Variants in SPTBN5 observed in about 807,000 individuals in gnomAD.
SPTBN5 encodes spectrin beta, non-erythrocytic 5.
Under a neutral mutation model 477.6 loss-of-function variants are expected in SPTBN5, and 513 were observed. The observed-to-expected ratio is 1.07, with a 90% CI of 1.00 to 1.16. The LOEUF (loss-of-function observed/expected upper bound fraction) is 1.16. SPTBN5 is among the 50% of genes most tolerant of loss of function. SPTBN5 has a pLI of 0.00. For synonymous variants in SPTBN5, 2,169 were observed against 2,011.7 expected, an observed-to-expected ratio of 1.08 and a Z score of -2.09; for missense variants, 5,062 against 4,731.8, an observed-to-expected ratio of 1.07 and a Z score of -2.05.
intron 35 of SPTBN5, 104 bp downstream of exon 35, chr15:41,867,434 A>T: frequency 8.8e-7 from 1 of 1,131,780 alleles, no homozygotes; most frequent in Non-Finnish European, 1.3e-6. Context: ...TTGCAGGCTC[A>T]TCAGCACTGC....
intron 21 of SPTBN5, 132 bp downstream of exon 21, chr15:41,875,982 G>T: frequency 8.8e-7 from 1 of 1,141,336 alleles, no homozygotes; most frequent in Admixed American, 2.5e-5. Flanking sequence ...AAGGAGGCTT[G>T]CAGGGGGAGG....
intron 31 of SPTBN5, 63 bp downstream of exon 31, chr15:41,870,180 C>T (rs574873381): frequency 9.3e-6 from 14 of 1,506,860 alleles, no homozygotes; most frequent in Non-Finnish European, 1.2e-5. Context: ...TCTAGAGGAA[C>T]AGGCAGGCCA....
At position 41,885,726 on chromosome 15, in the gene SPTBN5, G is replaced by A; in HGVS notation, c.1520+9C>T. ...CAGCTGTGGGGAGAGTTCATGTGCT[G>A]GGGCTCACCTGCGGGCCACATCTGC... On this transcript the variant is annotated intron_variant, in intron 7 of 67. Transcript: ENST00000320955. 2 of 1,549,970 alleles carry A rather than the reference G, an allele frequency of 1.3e-6. No homozygotes were observed. The highest frequency in any genetic ancestry group is 2.4e-5 in the East Asian group (1 of 41,082).
intron 59 of SPTBN5, 77 bp downstream of exon 59, chr15:41,853,181 C>A (rs2065829299): frequency 6.6e-7 from 1 of 1,522,666 alleles, no homozygotes; most frequent in African/African-American, 1.4e-5. Flanking sequence ...GTTTCCATGC[C>A]TGTGAGGGGC....
intron 53 of SPTBN5, among the ~76,000 whole-genome samples, 177 bp from the exon 54 acceptor site, chr15:41,855,922 T>C (rs1401408826): frequency 6.6e-6 from 1 of 152,218 alleles, no homozygotes; most frequent in East Asian, 1.9e-4. Context: ...AGAGCGGCAG[T>C]GTTTTGTAAA....
Position 41,875,559 on chromosome 15 carries a change from C to T in SPTBN5, c.4186G>A (p.Gly1396Ser). ...AAAGCTTCCCACTTGCTTCTCAGGC[C>T]TTGAAGCCTGGTCTGTATGTCCTCC... ...GQEDIQTRLQ[G>S]LRSKWEALNR... Residue 1396 changes from glycine (G) to serine (S), a missense_variant, in exon 22 of 68, where the codon GGC (glycine) becomes AGC (serine). Coordinates refer to ENST00000320955, the MANE Select transcript of SPTBN5 (RefSeq NM_016642.4). 6.2e-7 allele frequency: 1 copy of T among 1,609,632 alleles called. No homozygotes were observed.
rs368730423 is a variant in SPTBN5 at position 41,873,988 on chromosome 15, C to T, written c.4747G>A (p.Gly1583Arg). ...QGQVQRVLSSGRSLAASGHPQ... is the reference protein window; with the variant it reads ...QGQVQRVLSSRRSLAASGHPQ... ...TGCCCTGAGGCTGCCAGGCTCCGCC[C>T]AGAACTCAGCACCCGTTGCACCTGC... The change falls in exon 25 of 68, where the codon GGG (glycine) becomes AGG (arginine). Residue 1583 changes from glycine to arginine, a missense_variant. Coordinates refer to ENST00000320955, the MANE Select transcript of SPTBN5 (RefSeq NM_016642.4). 19 of 1,604,950 alleles carry T rather than the reference C, an allele frequency of 1.2e-5. No homozygotes were observed. Among genetic ancestry groups the T allele is most frequent in the East Asian group, 2.2e-5 (1 of 44,884 alleles).
At chr15:41,882,185 C>G in intron 11 of SPTBN5, 40 bp from the exon 12 acceptor site, 2 of 1,500,284 alleles carry the variant, frequency 1.3e-6, no homozygotes, top group Non-Finnish European at 1.8e-6. Context: ...TGAAGGGGCG[C>G]GGCTGAGCGC....
chr15:41,853,823 C>T (rs563567553), intron 57 of SPTBN5, 36 bp from the exon 58 acceptor site: 27 of 1,515,782 alleles, frequency 1.8e-5, no homozygotes, highest in Non-Finnish European at 2.1e-5. Flanking sequence ...CTCAGTCCCC[C>T]CACTGAGCCG....
In SPTBN5 at chr15:41,853,237, GCCCACC is replaced by G. The variant is rs755449213; in HGVS notation, c.10170+15_10170+20del. 7.7e-6 allele frequency: 12 copies of G among 1,567,630 alleles called. No individual in the cohort carries two copies. The highest frequency in any genetic ancestry group is 1.2e-5 in the South Asian group (1 of 84,894). On this transcript the variant is annotated intron_variant, in intron 59 of 67. Transcript: ENST00000320955. The stretch of plus-strand genomic sequence containing the variant: ...GGCTGTATCCCCAGCCCAACCCCAG[GCCCACC>G]CTCTGAGTTCACACCTCCGCAGACA...
intron 35 of SPTBN5, among the ~76,000 whole-genome samples, 172 bp downstream of exon 35, chr15:41,867,365 GC>G (rs2066360832): frequency 6.6e-6 from 1 of 152,104 alleles, no homozygotes; most frequent in South Asian, 2.1e-4. Context: ...CTCCCCCTGG[GC>G]CCTCTTCTTG....
intron 53 of SPTBN5, 109 bp from the exon 54 acceptor site, chr15:41,855,854 C>T: frequency 8.4e-7 from 1 of 1,184,606 alleles, no homozygotes; most frequent in Middle Eastern, 2.8e-4. Flanking sequence ...TGGGAGCTGT[C>T]ACGCTCCCTC....
At chr15:41,857,915 CAT>C (rs1188384877) in intron 49 of SPTBN5, among the ~76,000 whole-genome samples, 3 of 152,206 alleles carry the variant, frequency 2.0e-5, no homozygotes, top group Admixed American at 6.5e-5. Flanking sequence ...TGAGATAAGT[CAT>C]ATAAAATACT....
Position 41,888,089 on chromosome 15 carries a change from G to T in SPTBN5, c.502-4C>A. The stretch of plus-strand genomic sequence containing the variant: ...CTGCGCTGGCCCCAAACTCCTCCTG[G>T]CGGGACAGGGCAGCAGGGTCACCAT... On this transcript the variant is annotated splice_polypyrimidine_tract_variant and splice_region_variant and intron_variant, in intron 4 of 67. Transcript: ENST00000320955. 2 of 1,563,712 alleles carry T rather than the reference G, an allele frequency of 1.3e-6. No individual in the cohort carries two copies. Among genetic ancestry groups the T allele is most frequent in the Non-Finnish European group, 1.7e-6 (2 of 1,155,428 alleles).
chr15:41,882,001 C>G lies in SPTBN5; in HGVS notation c.2392G>C (p.Ala798Pro). ...VRLERVLRAF[A>P]AELRRLEEQG... The stretch of plus-strand genomic sequence containing the variant: ...TCCTCCAGCCGCCGCAGCTCGGCCG[C>G]GAAGGCGCGCAGGACGCGCTCCAGC... The change falls in exon 12 of 68, where the codon GCG becomes CCG. Residue 798 changes from alanine to proline, a missense_variant. By Grantham distance (27) the Ala-to-Pro change is conservative. Transcript: ENST00000320955. 1 of 1,536,468 alleles carries G rather than the reference C, an allele frequency of 6.5e-7. No homozygotes were observed. Among genetic ancestry groups the G allele is most frequent in the Non-Finnish European group, 8.7e-7 (1 of 1,150,836 alleles).
At position 41,848,641 on chromosome 15, in the gene SPTBN5, C is replaced by T. The variant is rs746124727; in HGVS notation, c.11013-13G>A. ...TCAGGGATCAGACCTGTTGGGAAAA[C>T]GGAATGAATTTAGTAGGGTATGGCC... is the stretch of plus-strand genomic sequence containing the variant. On this transcript the variant is annotated splice_polypyrimidine_tract_variant and intron_variant, in intron 67 of 67. Transcript: ENST00000320955. 81 of 1,613,678 alleles carry T rather than the reference C, an allele frequency of 5.0e-5. No homozygotes were observed. Among genetic ancestry groups the T allele is most frequent in the Middle Eastern group, 1.6e-4 (1 of 6,070 alleles).
At chr15:41,852,127 G>A in intron 62 of SPTBN5, 55 bp downstream of exon 62, 1 of 1,520,352 alleles carries the variant, frequency 6.6e-7, no homozygotes, top group Non-Finnish European at 8.8e-7. Flanking sequence ...CAGCCCCACT[G>A]CATGCTTCAG....
chr15:41,873,416 A>G (rs2066610066), intron 26 of SPTBN5, 76 bp downstream of exon 26: 2 of 1,105,908 alleles, frequency 1.8e-6, no homozygotes, highest in Admixed American at 4.1e-5. Flanking sequence ...CCTCTGAGAG[A>G]GGGAGGGTGA....
At chr15:41,882,535 G>A in intron 10 of SPTBN5, 50 bp downstream of exon 10, 3 of 1,590,298 alleles carry the variant, frequency 1.9e-6, no homozygotes, top group Non-Finnish European at 2.6e-6. Context: ...GGGCCCGAGA[G>A]GGAAGGGCAA....
Sources: allele counts gnomAD v4.1 joint callset (sites outside exome capture counted in the v4.1 genomes callset), GRCh38; gene constraint gnomAD v4.1.1; transcripts MANE v1.5; gene names NCBI Gene and HGNC (gene_info 2026-07-23, HGNC 2026-07-21).